Variants in NAV3 observed in about 807,000 individuals in gnomAD.
NAV3 encodes the protein pore membrane and/or filament interacting like protein 1.
Under a neutral mutation model 244.7 loss-of-function variants are expected in NAV3, and 87 were observed. The observed-to-expected ratio is 0.36, with a 90% CI of 0.30 to 0.42. The LOEUF (loss-of-function observed/expected upper bound fraction) is 0.42. NAV3 is among the 20% of genes least tolerant of loss of function. The pLI is 1.00. For synonymous variants in NAV3, 1,126 were observed against 1,042.2 expected (o/e 1.08, Z -1.55); for missense variants, 2,663 against 2,893.3 (o/e 0.92, Z 1.83).
At chr12:77,869,666 CCAATTCTAG>C (rs1880643142) in intron 1 of NAV3, among the ~76,000 whole-genome samples, 1 of 152,182 alleles carries the variant, frequency 6.6e-6, no homozygotes, top group Admixed American at 6.5e-5. Flanking sequence ...GTCCCCACCC[CCAATTCTAG>C]ATCCGTTTCT....
At chr12:77,738,960 C>T (rs1413147843) in intron 2 of NAV3, among the ~76,000 whole-genome samples, 2 of 133,378 alleles carry the variant, frequency 1.5e-5, no homozygotes, top group African/African-American at 2.8e-5. Flanking sequence ...TGCAGTGAGC[C>T]GAGATCGCGC....
chr12:78,007,901 G>A (rs1399714040), intron 8 of NAV3, among the ~76,000 whole-genome samples: 1 of 152,128 alleles, frequency 6.6e-6, no homozygotes. Context: ...TAAAGTTGCG[G>A]ATTTCATTCC....
chr12:77,971,522 G>A (rs1160006371), intron 5 of NAV3, among the ~76,000 whole-genome samples: 10 of 151,818 alleles, frequency 6.6e-5, no homozygotes, highest in Non-Finnish European at 1.2e-4. Flanking sequence ...GAATTTATGT[G>A]GACTTACCTG....
At position 77,867,120 on chromosome 12, in the gene NAV3, A is replaced by G. The variant is rs184028913; in HGVS notation, c.243+35416A>G. ...TTACCCAAATCTCATCTTGAATTGT[A>G]GCTTTCATAATTCCCATGTGTTATG... On this transcript the variant is annotated intron_variant, in intron 1 of 39. Coordinates refer to ENST00000397909, the MANE Select transcript of NAV3 (RefSeq NM_001024383.2). 2.4e-4 allele frequency among the ~76,000 whole-genome samples: 36 copies of G among 152,302 alleles called. 1 individual carries two copies. Among genetic ancestry groups the G allele is most frequent in the African/African-American group, 8.7e-4 (36 of 41,566 alleles).
chr12:77,653,143 T>A (rs75098865), intron 2 of NAV3, among the ~76,000 whole-genome samples: 3 of 152,188 alleles, frequency 2.0e-5, no homozygotes, highest in African/African-American at 7.2e-5. Flanking sequence ...TAGCAAAAGC[T>A]GATTCTATGA....
intron 15 of NAV3, among the ~76,000 whole-genome samples, chr12:78,120,851 T>C (rs1471839785): frequency 6.6e-6 from 1 of 152,252 alleles, no homozygotes; most frequent in African/African-American, 2.4e-5. Context: ...AACTTTGATA[T>C]CTTGGAAAGG....
In NAV3 at chr12:78,188,236, G is replaced by A. The variant is rs375506279; in HGVS notation, c.5791-12G>A. The stretch of plus-strand genomic sequence containing the variant: ...GTTGGATTTTATCTTACTTTATTTT[G>A]TTCTTATTTAGGACCAAAAATCTCA... On this transcript the variant is annotated splice_polypyrimidine_tract_variant and intron_variant, in intron 31 of 39. Coordinates refer to ENST00000397909, the MANE Select transcript of NAV3 (RefSeq NM_001024383.2). 60 of 1,576,978 alleles carry A rather than the reference G, an allele frequency of 3.8e-5. No individual in the cohort carries two copies. Among genetic ancestry groups the A allele is most frequent in the Non-Finnish European group, 5.2e-5 (60 of 1,151,816 alleles).
chr12:78,002,096 C>G (rs929203170), intron 7 of NAV3, among the ~76,000 whole-genome samples: 2 of 152,114 alleles, frequency 1.3e-5, no homozygotes, highest in East Asian at 3.8e-4. Flanking sequence ...AGCAAGTTAC[C>G]TTAAGAAATC....
chr12:77,873,773 T>TATATAAATAA (rs762527287), intron 1 of NAV3, among the ~76,000 whole-genome samples: 1 of 128,624 alleles, frequency 7.8e-6, no homozygotes, highest in African/African-American at 2.9e-5. Flanking sequence ...TATATGTATA[T>TATATAAATAA]AACAGCATAT....
chr12:78,187,526 T>C (rs1258998802), intron 31 of NAV3, among the ~76,000 whole-genome samples: 1 of 151,956 alleles, frequency 6.6e-6, no homozygotes, highest in Non-Finnish European at 1.5e-5. Flanking sequence ...TTTACCTTTC[T>C]AATATATGTA....
At chr12:77,973,371 A>T (rs1270304919) in intron 5 of NAV3, among the ~76,000 whole-genome samples, 1 of 152,200 alleles carries the variant, frequency 6.6e-6, no homozygotes, top group Non-Finnish European at 1.5e-5. Flanking sequence ...GAATTAAAAA[A>T]AAATATATTG....
chr12:77,576,677 G>C (rs1008439749), intron 2 of NAV3, among the ~76,000 whole-genome samples: 1 of 152,102 alleles, frequency 6.6e-6, no homozygotes, highest in Middle Eastern at 3.4e-3. Context: ...ATTCTTGCAG[G>C]TGTAGACTAC....
rs1161534489 is a variant in NAV3, at chr12:77,855,004, G to A, written c.243+23300G>A. Among the ~76,000 whole-genome samples, 3 of 152,126 alleles carry A rather than the reference G, an allele frequency of 2.0e-5. No individual in the cohort carries two copies. In the East Asian group the frequency reaches 5.8e-4, roughly 29 times the overall value. On this transcript the variant is annotated intron_variant, in intron 1 of 39. Transcript: ENST00000397909. ...TAGCTGGGCGTGGTGGCGGGCGCCT[G>A]TAGTCCCAGCTACTCGGGAGGCTGA...
At chr12:77,822,220 G>C (rs988739179) in intron 2 of NAV3, among the ~76,000 whole-genome samples, 1 of 152,106 alleles carries the variant, frequency 6.6e-6, no homozygotes, top group Non-Finnish European at 1.5e-5. Context: ...ATGTCATAGA[G>C]CATATATAAA....
At chr12:78,021,929 A>G in intron 9 of NAV3, 67 bp downstream of exon 9, 1 of 933,676 alleles carries the variant, frequency 1.1e-6, no homozygotes, top group Non-Finnish European at 1.6e-6. Flanking sequence ...AAGACTTTTT[A>G]TTAAATCATA....
chr12:77,866,706 G>C (rs1040972922), intron 1 of NAV3, among the ~76,000 whole-genome samples: 1 of 152,092 alleles, frequency 6.6e-6, no homozygotes, highest in African/African-American at 2.4e-5. Context: ...ATGGTATATC[G>C]TAACTGTATA....
At chr12:77,712,075 A>G (rs1207765016) in intron 2 of NAV3, among the ~76,000 whole-genome samples, 2 of 152,180 alleles carry the variant, frequency 1.3e-5, no homozygotes, top group Non-Finnish European at 2.9e-5. Flanking sequence ...CAACTTGAGC[A>G]TGTTAAAAGA....
chr12:78,026,499 T>C (rs1878080254), intron 9 of NAV3, among the ~76,000 whole-genome samples: 1 of 152,206 alleles, frequency 6.6e-6, no homozygotes. Flanking sequence ...CTATTCATTA[T>C]AGTATATTTT....
intron 1 of NAV3, among the ~76,000 whole-genome samples, chr12:77,861,218 C>T (rs1351409258): frequency 6.6e-6 from 1 of 151,676 alleles, no homozygotes; most frequent in Non-Finnish European, 1.5e-5. Context: ...AAAAAAGGAA[C>T]CGTGTATCTT....
Sources: gnomAD v4.1 joint callset for allele counts (sites outside exome capture counted in the v4.1 genomes callset) on GRCh38, gnomAD v4.1.1 for gene constraint, MANE v1.5 for transcripts, NCBI Gene and HGNC (gene_info 2026-07-23, HGNC 2026-07-21) for gene names.